DENND6B: variants seen among roughly 807,000 people sequenced by gnomAD.
DENND6B encodes protein DENND6B.
Under a neutral mutation model 85.1 loss-of-function variants are expected in DENND6B, and 73 were observed. That is an observed-to-expected ratio of 0.86 (90% CI 0.71 to 1.04). The LOEUF (loss-of-function observed/expected upper bound fraction) is 1.04, where lower values mean the gene tolerates loss of function less well. DENND6B is among the 50% of genes least tolerant of loss of function. DENND6B has a pLI of 0.00. For missense variants in DENND6B, 715 were observed against 785.8 expected (o/e 0.91, Z 1.08); for synonymous variants, 357 against 329.3 (o/e 1.08, Z -0.91).
chr22:50,321,406 G>C (rs1005438000), intron 1 of DENND6B, among the ~76,000 whole-genome samples: 3 of 152,230 alleles, frequency 2.0e-5, no homozygotes, highest in African/African-American at 7.2e-5. Context: ...CTGTCACCAG[G>C]CTGGAGTGCA....
At chr22:50,315,813 AC>A in intron 8 of DENND6B, 44 bp from the exon 9 acceptor site, 1 of 1,484,272 alleles carries the variant, frequency 6.7e-7, no homozygotes, top group Non-Finnish European at 9.0e-7. Context: ...GGAGGCTGGC[AC>A]CCCTTGGGCC....
intron 7 of DENND6B, 28 bp from the exon 8 acceptor site, chr22:50,316,115 A>G: frequency 2.5e-6 from 4 of 1,612,664 alleles, no homozygotes; most frequent in Non-Finnish European, 3.4e-6. Flanking sequence ...CAGCTGCCAG[A>G]GGGAGTAGGG....
At chr22:50,323,029 T>G in intron 1 of DENND6B, among the ~76,000 whole-genome samples, 1 of 138,192 alleles carries the variant, frequency 7.2e-6, no homozygotes, top group Non-Finnish European at 1.6e-5. Flanking sequence ...GCTTTTTTTT[T>G]TTTTTTTTTT....
intron 1 of DENND6B, among the ~76,000 whole-genome samples, chr22:50,322,826 A>G (rs571774308): frequency 2.0e-5 from 3 of 149,912 alleles, no homozygotes; most frequent in East Asian, 3.9e-4. Flanking sequence ...GTTGGGATAC[A>G]GGCATGAGCC....
rs1055066532 is a variant in DENND6B at position 50,314,223 on chromosome 22, G to T, written c.1122C>A (p.Thr374=). The change falls in exon 13 of 20, where the codon ACC becomes ACA. Residue 374 remains threonine (T), a synonymous_variant. Coordinates refer to ENST00000413817, the MANE Select transcript of DENND6B (RefSeq NM_001001794.4). ...VKLKKPSRLK[T]LDTKPGLYTA... ...AGCACAGACCTGGCTTGGTGTCCAGGGTCTTCAACCTTGAAGGCTTTTTCA... is the reference window on the plus strand; with the variant it reads ...AGCACAGACCTGGCTTGGTGTCCAGTGTCTTCAACCTTGAAGGCTTTTTCA... 3.1e-6 allele frequency: 5 copies of T among 1,607,092 alleles called. No individual in the cohort carries two copies. In the African/African-American group the frequency reaches 4.0e-5, roughly 13 times the overall value.
chr22:50,314,276 C>A lies in DENND6B; in HGVS notation c.1073-4G>T, dbSNP rs144775109. 3 of 1,608,920 alleles carry A rather than the reference C, an allele frequency of 1.9e-6. No homozygotes were observed. The highest frequency in any genetic ancestry group is 2.5e-6 in the Non-Finnish European group (3 of 1,178,726). ...TTGACTTGCTTAGGCAGGTCTCCTA[C>A]GAGACACGCCCGGTGGCCAGGCCTC... On this transcript the variant is annotated splice_polypyrimidine_tract_variant and splice_region_variant and intron_variant, in intron 12 of 19. Transcript: ENST00000413817.
At chr22:50,317,507 C>T in intron 4 of DENND6B, 134 bp from the exon 5 acceptor site, 1 of 1,015,792 alleles carries the variant, frequency 9.8e-7, no homozygotes, top group South Asian at 1.4e-5. Flanking sequence ...CCTGGAGCTG[C>T]TGTCCGTGCA....
rs1189512879 is a variant in DENND6B, at chr22:50,315,745, G to C, written c.727C>G (p.Leu243Val). Residue 243 changes from leucine (L) to valine (V), a missense_variant, in exon 9 of 20, where the codon CTT (leucine) becomes GTT (valine). Physicochemically the swap from Leu to Val is conservative, Grantham distance 32. Coordinates refer to ENST00000413817, the MANE Select transcript of DENND6B (RefSeq NM_001001794.4). Reference protein sequence around the residue: ...QENLLPAPVVLASVHELDLFR... With the variant: ...QENLLPAPVVVASVHELDLFR... ...AGGTCCAGCTCGTGGACGCTAGCAA[G>C]AACCACTGGGGCTGGCAGCAGGTTC... 6.4e-7 allele frequency: 1 copy of C among 1,553,242 alleles called. No homozygotes were observed. The highest frequency in any genetic ancestry group is 8.7e-7 in the Non-Finnish European group (1 of 1,150,320).
At position 50,318,848 on chromosome 22, in the gene DENND6B, T is replaced by G; in HGVS notation, c.258A>C (p.Ser86=). The G allele has an allele frequency of 6.2e-7, 1 of 1,613,284 alleles. No homozygotes were observed. The highest frequency in any genetic ancestry group is 8.5e-7 in the Non-Finnish European group (1 of 1,179,696). ...CCCAGGAAAGGTGGGGTTGCCTACC[T>G]GAGTGCGAGTCGGGAAAAGACAGGT... ...ICYLSFPDSH[S]GCLGDTQFSF... Residue 86 remains serine (S), a splice_region_variant and synonymous_variant, in exon 3 of 20, where the codon TCA becomes TCC. Coordinates refer to ENST00000413817, the MANE Select transcript of DENND6B (RefSeq NM_001001794.4).
At position 50,313,665 on chromosome 22, in the gene DENND6B, C is replaced by T; in HGVS notation, c.1263G>A (p.Leu421=). ...GGATGATGAAGCTCTGGGTGAGCTC[C>T]AGGAGGTGCCGCCGCAGCAGGGCGC... The part of the protein sequence containing the change: ...VQSALLRRHL[L]ELTQSFIIPL... The change falls in exon 15 of 20, where the codon CTG becomes CTA. Residue 421 remains leucine (L), a synonymous_variant. Transcript: ENST00000413817. 1 of 1,596,630 alleles carries T rather than the reference C, an allele frequency of 6.3e-7. No homozygotes were observed.
intron 5 of DENND6B, 137 bp from the exon 6 acceptor site, chr22:50,316,612 C>T (rs1203838196): frequency 6.5e-7 from 1 of 1,537,424 alleles, no homozygotes; most frequent in Non-Finnish European, 8.8e-7. Context: ...CACAGGACAG[C>T]TGCCCCAGGA....
rs1343522016 is a variant in DENND6B, at chr22:50,314,636, A to G, written c.946T>C (p.Phe316Leu). ...RPYFTIHDSE[F>L]KEFTTRTQAP... ...TGCGTGCGTGTGGTGAACTCCTTGAACTCGCTGTCATGGATGGTGAAGTAG... is the reference window on the plus strand; with the variant it reads ...TGCGTGCGTGTGGTGAACTCCTTGAGCTCGCTGTCATGGATGGTGAAGTAG... The change falls in exon 11 of 20, where the codon TTC (phenylalanine) becomes CTC (leucine). Residue 316 changes from phenylalanine to leucine, a missense_variant. Physicochemically the swap from Phe to Leu is conservative, Grantham distance 22 (BLOSUM62 0). Transcript: ENST00000413817. The G allele has an allele frequency of 7.0e-6, 11 of 1,566,714 alleles. No homozygotes were observed. In the South Asian group the frequency reaches 1.2e-4, roughly 17 times the overall value.
chr22:50,312,421 C>T lies in DENND6B; in HGVS notation c.1561-4G>A. ...CTTTCATCCAGGTCTCGATGTTCTGCAGGGCAAGACGGGGTCTACTGTCAG... is the reference window on the plus strand; with the variant it reads ...CTTTCATCCAGGTCTCGATGTTCTGTAGGGCAAGACGGGGTCTACTGTCAG... On this transcript the variant is annotated splice_region_variant and splice_polypyrimidine_tract_variant and intron_variant, in intron 18 of 19. Transcript: ENST00000413817. 1.2e-6 allele frequency: 2 copies of T among 1,609,666 alleles called. No individual in the cohort carries two copies. The highest frequency in any genetic ancestry group is 1.3e-5 in the African/African-American group (1 of 74,990).
At chr22:50,315,586 G>C in intron 9 of DENND6B, 128 bp downstream of exon 9, 3 of 1,143,166 alleles carry the variant, frequency 2.6e-6, no homozygotes, top group Non-Finnish European at 3.7e-6. Context: ...ACACACACGT[G>C]CACACGTGCA....
intron 1 of DENND6B, among the ~76,000 whole-genome samples, chr22:50,322,078 A>AT (rs71198240): frequency 0.014 from 1,971 of 142,948 alleles, 32 homozygotes; most frequent in African/African-American, 0.036. Flanking sequence ...GTCCTCAATA[A>AT]TTTTTTTTTT....
Position 50,313,682 on chromosome 22 carries a change from G to A in DENND6B, c.1246C>T (p.Leu416=). 1.2e-6 allele frequency: 2 copies of A among 1,600,480 alleles called. No homozygotes were observed. The highest frequency in any genetic ancestry group is 1.3e-5 in the African/African-American group (1 of 74,668). Residue 416 remains leucine (L), a synonymous_variant, in exon 15 of 20, where the codon CTG becomes TTG. Coordinates refer to ENST00000413817, the MANE Select transcript of DENND6B (RefSeq NM_001001794.4). ...KRPSDVQSAL[L]RRHLLELTQS... ...GTGAGCTCCAGGAGGTGCCGCCGCA[G>A]CAGGGCGCTCTGCACATCTGACGGC...
intron 13 of DENND6B, 29 bp downstream of exon 13, chr22:50,314,178 A>G: frequency 6.3e-7 from 1 of 1,587,660 alleles, no homozygotes; most frequent in Non-Finnish European, 8.5e-7. Context: ...TCCACGGTGG[A>G]GGGGCTCCAG....
At chr22:50,323,725 T>C (rs1395492587) in intron 1 of DENND6B, among the ~76,000 whole-genome samples, 1 of 69,102 alleles carries the variant, frequency 1.4e-5, no homozygotes, top group Admixed American at 1.6e-4. Context: ...CCTAGCCTTT[T>C]TTTTTTTTTT....
chr22:50,314,292 G>T lies in DENND6B; in HGVS notation c.1073-20C>A, dbSNP rs777631824. ...GGTCTCCTACGAGACACGCCCGGTG[G>T]CCAGGCCTCAGTGCCCGCAGCTCTG... On this transcript the variant is annotated intron_variant, in intron 12 of 19. Coordinates refer to ENST00000413817, the MANE Select transcript of DENND6B (RefSeq NM_001001794.4). 1.2e-5 allele frequency: 19 copies of T among 1,607,192 alleles called. No homozygotes were observed. The South Asian group carries it at 2.1e-4, about 18-fold the overall frequency.
Sources: gnomAD v4.1 joint callset for allele counts (sites outside exome capture counted in the v4.1 genomes callset) on GRCh38, gnomAD v4.1.1 for gene constraint, MANE v1.5 for transcripts, NCBI Gene and HGNC (gene_info 2026-07-23, HGNC 2026-07-21) for gene names.